The following CYREN variants were observed in gnomAD, a reference collection of about 807,000 sequenced individuals.
CYREN encodes the protein cell cycle regulator of NHEJ.
In CYREN, 7 loss-of-function variants were observed where a neutral mutation model predicts 9.7. The ratio of observed to expected loss-of-function variants is 0.72; its 90% CI spans 0.41 to 1.36. The LOEUF is 1.36. CYREN is among the 40% of genes most tolerant of loss of function. CYREN has a pLI of 0.01. For synonymous variants in CYREN, 76 were observed against 77.9 expected (o/e 0.98, Z 0.13); for missense variants, 215 against 198.1 (o/e 1.09, Z -0.51).
chr7:135,136,860 C>A (rs964970205), intron 2 of CYREN, among the ~76,000 whole-genome samples: 5 of 152,002 alleles, frequency 3.3e-5, no homozygotes, highest in African/African-American at 1.2e-4. Flanking sequence ...ACAGATATTA[C>A]CTAAACAATT....
At position 135,166,661 on chromosome 7, in the gene CYREN, C is replaced by T; in HGVS notation, c.424G>A (p.Glu142Lys). ...TATTTCAGCACATCCTCTTCCTCCT[C>T]CTCCTCAGGGCTCCTGCTACAGGCA... ...SSACSRSPEEEEEEDVLKYVR... is the reference protein window; with the variant it reads ...SSACSRSPEEKEEEDVLKYVR... Residue 142 changes from glutamate to lysine, a missense_variant, in exon 4 of 4, where the codon GAG (glutamate) becomes AAG (lysine). By Grantham distance (56) the Glu-to-Lys change is moderately conservative (BLOSUM62 1). Coordinates refer to ENST00000393114, the MANE Select transcript of CYREN (RefSeq NM_024033.4). 1.2e-6 allele frequency: 2 copies of T among 1,608,628 alleles called. No individual in the cohort carries two copies. The highest frequency in any genetic ancestry group is 2.7e-5 in the African/African-American group (2 of 75,056).
At chr7:135,167,444 C>G in intron 3 of CYREN, 1 of 1,259,964 alleles carries the variant, frequency 7.9e-7, no homozygotes, top group Non-Finnish European at 1.0e-6. Flanking sequence ...CGCTTCATGT[C>G]CCATCCACAT....
At chr7:135,157,007 C>T (rs1829812105) in intron 2 of CYREN, among the ~76,000 whole-genome samples, 1 of 152,172 alleles carries the variant, frequency 6.6e-6, no homozygotes, top group Non-Finnish European at 1.5e-5. Flanking sequence ...TGTGTTTCAC[C>T]TCCTGCCAGG....
At chr7:135,139,912 C>T (rs1829421824) in intron 2 of CYREN, among the ~76,000 whole-genome samples, 1 of 151,306 alleles carries the variant, frequency 6.6e-6, no homozygotes, top group Non-Finnish European at 1.5e-5. Flanking sequence ...GGTTCTTTAA[C>T]CTGTTTCATT....
intron 2 of CYREN, chr7:135,147,721 G>GGGTC (rs2117412682): frequency 2.2e-6 from 1 of 455,050 alleles, no homozygotes; most frequent in African/African-American, 2.0e-5. Flanking sequence ...GAGGTGACCT[G>GGGTC]GGTCCTGACT....
chr7:135,109,469 TAACA>T (rs1373046062), intron 2 of CYREN, among the ~76,000 whole-genome samples: 1 of 151,842 alleles, frequency 6.6e-6, no homozygotes, highest in African/African-American at 2.4e-5. Flanking sequence ...GGGGCCCACA[TAACA>T]AACAGTCTGC....
intron 2 of CYREN, among the ~76,000 whole-genome samples, chr7:135,096,720 G>A (rs1412882404): frequency 1.0e-5 from 1 of 99,126 alleles, no homozygotes; most frequent in African/African-American, 3.9e-5. Context: ...AAGAAAGAAA[G>A]AGAAGAAAGA....
intron 2 of CYREN, among the ~76,000 whole-genome samples, chr7:135,126,639 T>C (rs1214828115): frequency 1.3e-5 from 2 of 152,164 alleles, no homozygotes; most frequent in East Asian, 3.9e-4. Context: ...AACTTCAAAC[T>C]GTACTACGAG....
At chr7:135,104,071 C>T (rs1313213794) in intron 2 of CYREN, among the ~76,000 whole-genome samples, 1 of 152,140 alleles carries the variant, frequency 6.6e-6, no homozygotes, top group Non-Finnish European at 1.5e-5. Context: ...TCCTCCCACC[C>T]TTCACCCTCA....
chr7:135,154,048 G>A (rs986288000), intron 2 of CYREN, among the ~76,000 whole-genome samples: 2 of 151,928 alleles, frequency 1.3e-5, no homozygotes, highest in African/African-American at 4.8e-5. Flanking sequence ...ATTTCTTCCT[G>A]GTTCAATCTT....
intron 2 of CYREN, among the ~76,000 whole-genome samples, chr7:135,101,508 C>A (rs1408421175): frequency 6.6e-6 from 1 of 151,692 alleles, no homozygotes. Flanking sequence ...AAAAAAAAAA[C>A]TTAATTGCTG....
chr7:135,156,134 A>G (rs757641817), intron 2 of CYREN, among the ~76,000 whole-genome samples: 39 of 151,342 alleles, frequency 2.6e-4, no homozygotes, highest in Non-Finnish European at 4.4e-4. Flanking sequence ...GAGATTTGGG[A>G]TTTCCTTTAT....
chr7:135,134,404 C>CT (rs60347819), intron 2 of CYREN, among the ~76,000 whole-genome samples: 26,931 of 152,004 alleles, frequency 0.18, 2,357 homozygotes, highest in East Asian at 0.19. Flanking sequence ...ACTTCCCTCT[C>CT]TTAGACTCAC....
chr7:135,164,295 G>C, downstream of CYREN: 1 of 748,366 alleles, frequency 1.3e-6, no homozygotes, highest in Non-Finnish European at 2.1e-6. Context: ...CCTTGGTGGA[G>C]GGCAGGGTAG....
intron 2 of CYREN, among the ~76,000 whole-genome samples, chr7:135,110,020 A>C (rs1353587419): frequency 2.0e-5 from 3 of 152,172 alleles, no homozygotes; most frequent in Admixed American, 1.3e-4. Context: ...AAAGTAGTCT[A>C]GCTTCTTTTC....
intron 2 of CYREN, among the ~76,000 whole-genome samples, chr7:135,119,746 G>A (rs190949389): frequency 7.4e-4 from 113 of 152,144 alleles, no homozygotes; most frequent in South Asian, 3.3e-3. Context: ...GCGTGGCAGC[G>A]GGTGCCTGTA....
intron 2 of CYREN, 89 bp downstream of exon 2, chr7:135,168,697 T>C: frequency 6.6e-7 from 1 of 1,522,444 alleles, no homozygotes; most frequent in Non-Finnish European, 8.8e-7. Flanking sequence ...CTTGCTGTTC[T>C]GCCTAGGCTG....
intron 2 of CYREN, among the ~76,000 whole-genome samples, chr7:135,149,748 A>G (rs1429524858): frequency 1.3e-5 from 2 of 152,222 alleles, no homozygotes; most frequent in Non-Finnish European, 2.9e-5. Flanking sequence ...ATCTTTAATT[A>G]CATTAGAAAA....
At chr7:135,128,439 T>G (rs1828259739) in intron 2 of CYREN, 2 of 701,484 alleles carry the variant, frequency 2.9e-6, no homozygotes, top group East Asian at 5.2e-5. Flanking sequence ...CCTCAGAAAA[T>G]TAAATGTCAG....
Sources: allele counts gnomAD v4.1 joint callset (sites outside exome capture counted in the v4.1 genomes callset), GRCh38; gene constraint gnomAD v4.1.1; transcripts MANE v1.5; gene names NCBI Gene and HGNC (gene_info 2026-07-23, HGNC 2026-07-21).